The following SLC39A7 variants were observed in gnomAD, a reference collection of about 807,000 sequenced individuals.
The protein encoded by SLC39A7 is solute carrier family 39 member 7, also known as zinc transporter SLC39A7.
SLC39A7 carries 25 observed loss-of-function variants against 39.7 expected under a neutral mutation model. The observed-to-expected ratio is 0.63, with a 90% CI of 0.46 to 0.88. The LOEUF (loss-of-function observed/expected upper bound fraction) is 0.88, where lower values mean the gene tolerates loss of function less well. Ranked by LOEUF, SLC39A7 falls within the 40% of genes least tolerant of loss-of-function variation. The pLI, the probability that SLC39A7 is intolerant of heterozygous loss-of-function variation, is 0.00. For synonymous variants in SLC39A7, 181 were observed against 234.1 expected (o/e 0.77, Z 2.07); for missense variants, 501 against 592.1 (o/e 0.85, Z 1.60).
Position 33,202,904 on chromosome 6 carries a change from T to G in SLC39A7, c.941-6T>G, listed in dbSNP as rs1200214270. ...CTGATCATTTTCTCTTCTTGTCCTG[T>G]ACAAGACCTGCGTGTGTCGGGGTAC... On this transcript the variant is annotated splice_polypyrimidine_tract_variant and splice_region_variant and intron_variant, in intron 5 of 6. Transcript: ENST00000374677. 3.1e-6 allele frequency: 5 copies of G among 1,609,180 alleles called. No homozygotes were observed. Among genetic ancestry groups the G allele is most frequent in the Non-Finnish European group, 4.2e-6 (5 of 1,178,946 alleles).
At position 33,203,002 on chromosome 6, in the gene SLC39A7, C is replaced by T. The variant is rs758662770; in HGVS notation, c.1033C>T (p.Arg345Trp). The part of the protein sequence containing the change: ...LAIGASFRGG[R>W]GLGILTTMTV... ...CATTGGGGCTTCCTTTCGAGGGGGC[C>T]GGGGACTAGGGATCCTGACCACAAT... The change falls in exon 6 of 7, where the codon CGG (arginine) becomes TGG (tryptophan). Residue 345 changes from arginine (R) to tryptophan (W), a missense_variant. Physicochemically the swap from Arg to Trp is moderately radical, Grantham distance 101 (BLOSUM62 -3). Transcript: ENST00000374677. 40 of 1,612,346 alleles carry T rather than the reference C, an allele frequency of 2.5e-5. No individual in the cohort carries two copies. Among genetic ancestry groups the T allele is most frequent in the South Asian group, 1.6e-4 (15 of 91,046 alleles).
At chr6:33,202,453 A>G in intron 4 of SLC39A7, 26 bp downstream of exon 4, 1 of 1,609,878 alleles carries the variant, frequency 6.2e-7, no homozygotes, top group Non-Finnish European at 8.5e-7. Flanking sequence ...ACTTTCCTGA[A>G]AGCTGACTTG....
In SLC39A7 at chr6:33,200,932, G is replaced by A. The variant is rs749453431; in HGVS notation, c.-314G>A. 2.4e-5 allele frequency: 25 copies of A among 1,029,922 alleles called. No individual in the cohort carries two copies. The highest frequency in any genetic ancestry group is 2.2e-4 in the Admixed American group (11 of 49,524). The allele number at this position is 1,029,922 out of a possible 1,614,324, so 63.8% of individuals were successfully genotyped here. The stretch of plus-strand genomic sequence containing the variant: ...GCAAACCGGGAAAGGAGAGGATCCC[G>A]GAGCCGGTGAGAATTCTCTGTTTTT... On this transcript the variant is annotated 5_prime_UTR_variant, in exon 1 of 7. Coordinates refer to ENST00000374677, the MANE Select transcript of SLC39A7 (RefSeq NM_006979.3). The surrounding 1 kb of genome is among the most constrained non-coding windows in gnomAD (Gnocchi z 6.3).
In SLC39A7 at chr6:33,201,970, A is replaced by G. The variant is rs1774612870; in HGVS notation, c.580+57A>G. On this transcript the variant is annotated intron_variant, in intron 2 of 6. Coordinates refer to ENST00000374677, the MANE Select transcript of SLC39A7 (RefSeq NM_006979.3). The surrounding 1 kb of genome is among the most constrained non-coding windows in gnomAD (Gnocchi z 5.9). ...AACCTATTTCGTTCTTTGGAGGAAA[A>G]GGGTTCTTTCTCCTTTATGATCCCT... 2 of 1,600,914 alleles carry G rather than the reference A, an allele frequency of 1.2e-6. No homozygotes were observed. The highest frequency in any genetic ancestry group is 1.3e-5 in the African/African-American group (1 of 74,646).
Position 33,203,067 on chromosome 6 carries a change from C to G in SLC39A7, c.1098C>G (p.Asp366Glu). 1 of 1,606,116 alleles carries G rather than the reference C, an allele frequency of 6.2e-7. No individual in the cohort carries two copies. The highest frequency in any genetic ancestry group is 1.1e-5 in the South Asian group (1 of 90,722). ...LLHEVPHEVG[D>E]FAILVQSGCS... ...ATGAAGTGCCCCACGAGGTCGGAGA[C>G]TTTGCCATCTTGGTCCAGTCTGGCT... Residue 366 changes from aspartate to glutamate, a missense_variant, in exon 6 of 7, where the codon GAC becomes GAG. By Grantham distance (45) the Asp-to-Glu change is conservative. Coordinates refer to ENST00000374677, the MANE Select transcript of SLC39A7 (RefSeq NM_006979.3).
In SLC39A7 at chr6:33,201,234, C is replaced by G; in HGVS notation, c.-12C>G. ...AAGTGGAGTCACTGCCTCTGTCCCT[C>G]TGGTCAGCGTGATGGCCAGAGGCCT... On this transcript the variant is annotated 5_prime_UTR_variant, in exon 1 of 7. Transcript: ENST00000374677. This position sits in a 1 kb window ranked among gnomAD's most constrained non-coding sequence, Gnocchi z 5.9. 1 of 1,602,426 alleles carries G rather than the reference C, an allele frequency of 6.2e-7. No homozygotes were observed. Among genetic ancestry groups the G allele is most frequent in the Non-Finnish European group, 8.5e-7 (1 of 1,175,702 alleles).
intron 6 of SLC39A7, among the ~76,000 whole-genome samples, 163 bp from the exon 7 acceptor site, chr6:33,203,377 AT>A (rs1774770107): frequency 6.6e-6 from 1 of 152,062 alleles, no homozygotes; most frequent in Non-Finnish European, 1.5e-5. Context: ...ATCTCTTAAG[AT>A]TTTTCAGAAA....
In SLC39A7 at chr6:33,200,946, T is replaced by C; in HGVS notation, c.-300T>C. On this transcript the variant is annotated 5_prime_UTR_variant, in exon 1 of 7. Coordinates refer to ENST00000374677, the MANE Select transcript of SLC39A7 (RefSeq NM_006979.3). The surrounding 1 kb of genome is among the most constrained non-coding windows in gnomAD (Gnocchi z 6.3). Reference sequence around the variant, plus strand: ...GAGAGGATCCCGGAGCCGGTGAGAATTCTCTGTTTTTTCTCTACCATCCTT... The same window carrying C: ...GAGAGGATCCCGGAGCCGGTGAGAACTCTCTGTTTTTTCTCTACCATCCTT... The C allele has an allele frequency of 1.1e-6, 1 of 944,148 alleles. No individual in the cohort carries two copies. Among genetic ancestry groups the C allele is most frequent in the South Asian group, 1.4e-5 (1 of 71,458 alleles). The allele number at this position is 944,148 out of a possible 1,614,324, so 58.5% of individuals were successfully genotyped here. A position where few individuals can be genotyped will look rare whatever the true frequency, so the allele number is the denominator to read the frequency against.
Position 33,202,990 on chromosome 6 carries a change from T to C in SLC39A7, c.1021T>C (p.Phe341Leu). ...TGATGGTCTGGCCATTGGGGCTTCC[T>C]TTCGAGGGGGCCGGGGACTAGGGAT... ...FTDGLAIGAS[F>L]RGGRGLGILT... Residue 341 changes from phenylalanine (F) to leucine (L), a missense_variant, in exon 6 of 7, where the codon TTT becomes CTT. Coordinates refer to ENST00000374677, the MANE Select transcript of SLC39A7 (RefSeq NM_006979.3). 2 of 1,612,522 alleles carry C rather than the reference T, an allele frequency of 1.2e-6. No homozygotes were observed. The highest frequency in any genetic ancestry group is 8.5e-7 in the Non-Finnish European group (1 of 1,179,866).
In SLC39A7 at chr6:33,201,460, G is replaced by C; in HGVS notation, c.215G>C (p.Trp72Ser). 1 of 1,614,108 alleles carries C rather than the reference G, an allele frequency of 6.2e-7. No individual in the cohort carries two copies. The highest frequency in any genetic ancestry group is 8.5e-7 in the Non-Finnish European group (1 of 1,179,972). ...CATGGCCACACTCACGAGAGCATCT[G>C]GCATGGACATACCCACGATCACGAC... The part of the protein sequence containing the change: ...HGHGHTHESI[W>S]HGHTHDHDHG... The change falls in exon 1 of 7, where the codon TGG becomes TCG. Residue 72 changes from tryptophan (W) to serine (S), a missense_variant. Trp to Ser is a radical substitution (Grantham distance 177). Transcript: ENST00000374677. This position sits in a 1 kb window ranked among gnomAD's most constrained non-coding sequence, Gnocchi z 5.9.
chr6:33,204,167 A>C lies in SLC39A7; in HGVS notation c.*354A>C. ...CAAGTTGCTACACAGGAAGTTCTCC[A>C]AGGTCCAGTTTCCTTTCTCCCACCA... On this transcript the variant is annotated 3_prime_UTR_variant, in exon 7 of 7. Coordinates refer to ENST00000374677, the MANE Select transcript of SLC39A7 (RefSeq NM_006979.3). The C allele has an allele frequency of 2.1e-6, 1 of 477,444 alleles. No individual in the cohort carries two copies. The highest frequency in any genetic ancestry group is 3.7e-5 in the Admixed American group (1 of 27,334). 29.6% of individuals were successfully genotyped at this position (477,444 alleles called of 1,614,324 possible).
rs771700141 is a variant in SLC39A7 at position 33,201,824 on chromosome 6, G to A, written c.491G>A (p.Arg164Gln). 6.2e-6 allele frequency: 10 copies of A among 1,613,060 alleles called. No individual in the cohort carries two copies. Among genetic ancestry groups the A allele is most frequent in the South Asian group, 3.3e-5 (3 of 91,082 alleles). Reference sequence around the variant, plus strand: ...ATCCCCGTGGAGTCGAACTCTCCCCGGCATCGCTCTCTACTTCAGATCTTG... The same window carrying A: ...ATCCCCGTGGAGTCGAACTCTCCCCAGCATCGCTCTCTACTTCAGATCTTG... The part of the protein sequence containing the change: ...FLIPVESNSP[R>Q]HRSLLQILLS... The change falls in exon 2 of 7, where the codon CGG (arginine) becomes CAG (glutamine). Residue 164 changes from arginine to glutamine, a missense_variant. Coordinates refer to ENST00000374677, the MANE Select transcript of SLC39A7 (RefSeq NM_006979.3). This position sits in a 1 kb window ranked among gnomAD's most constrained non-coding sequence, Gnocchi z 5.9.
At position 33,203,712 on chromosome 6, in the gene SLC39A7, C is replaced by T. The variant is rs1428050563; in HGVS notation, c.1309C>T (p.Pro437Ser). The change falls in exon 7 of 7, where the codon CCC (proline) becomes TCC (serine). Residue 437 changes from proline (P) to serine (S), a missense_variant. Pro to Ser is a moderately conservative substitution (Grantham distance 74). Transcript: ENST00000374677. ...FIYVATVSVL[P>S]ELLREASPLQ... ...CTACGTAGCAACAGTGTCTGTGTTG[C>T]CCGAGCTGCTGAGGGAGGCATCACC... 6 of 1,614,188 alleles carry T rather than the reference C, an allele frequency of 3.7e-6. No individual in the cohort carries two copies. Among genetic ancestry groups the T allele is most frequent in the Admixed American group, 1.7e-5 (1 of 60,016 alleles).
At chr6:33,202,852 G>GA in intron 5 of SLC39A7, 58 bp from the exon 6 acceptor site, 1 of 1,584,032 alleles carries the variant, frequency 6.3e-7, no homozygotes, top group Non-Finnish European at 8.6e-7. Flanking sequence ...AGCTGACCAA[G>GA]ACTGGAACAA....
Position 33,201,965 on chromosome 6 carries a change from G to A in SLC39A7, c.580+52G>A. The A allele has an allele frequency of 6.2e-7, 1 of 1,603,634 alleles. No homozygotes were observed. Among genetic ancestry groups the A allele is most frequent in the East Asian group, 2.2e-5 (1 of 44,828 alleles). On this transcript the variant is annotated intron_variant, in intron 2 of 6. Coordinates refer to ENST00000374677, the MANE Select transcript of SLC39A7 (RefSeq NM_006979.3). The surrounding 1 kb of genome is among the most constrained non-coding windows in gnomAD (Gnocchi z 5.9). ...AATCTAACCTATTTCGTTCTTTGGA[G>A]GAAAAGGGTTCTTTCTCCTTTATGA...
chr6:33,204,116 C>T lies in SLC39A7; in HGVS notation c.*303C>T. 1 of 545,450 alleles carries T rather than the reference C, an allele frequency of 1.8e-6. No homozygotes were observed. The highest frequency in any genetic ancestry group is 3.3e-6 in the Non-Finnish European group (1 of 304,790). 33.8% of individuals were successfully genotyped at this position (545,450 alleles called of 1,614,324 possible). A position where few individuals can be genotyped will look rare whatever the true frequency, so the allele number is the denominator to read the frequency against. ...GGGTGATGGCAGCCTACCTGGTGTC[C>T]CCTACCCCACCTGTTCTCGGAGAAC... On this transcript the variant is annotated 3_prime_UTR_variant, in exon 7 of 7. Coordinates refer to ENST00000374677, the MANE Select transcript of SLC39A7 (RefSeq NM_006979.3).
chr6:33,203,597 C>G lies in SLC39A7; in HGVS notation c.1194C>G (p.Ala398=), dbSNP rs1314503303. 1.9e-6 allele frequency: 3 copies of G among 1,614,218 alleles called. No individual in the cohort carries two copies. The African/African-American group carries it at 4.0e-5, about 22-fold the overall frequency. Residue 398 remains alanine, a synonymous_variant, in exon 7 of 7, where the codon GCC becomes GCG. Coordinates refer to ENST00000374677, the MANE Select transcript of SLC39A7 (RefSeq NM_006979.3). ...GGGCACTGGCAGGCACAGCCTGTGC[C>G]CTTCTCACTGAAGGAGGAGCAGTGG... is the stretch of plus-strand genomic sequence containing the variant. The part of the protein sequence containing the change: ...AVGALAGTAC[A]LLTEGGAVGS...
At chr6:33,202,212 A>G (rs1009361324) in intron 3 of SLC39A7, 51 bp from the exon 4 acceptor site, 8 of 1,597,402 alleles carry the variant, frequency 5.0e-6, no homozygotes, top group East Asian at 2.2e-5. Flanking sequence ...CTTGAGGAGG[A>G]GGAGTCTGGA....
At position 33,203,711 on chromosome 6, in the gene SLC39A7, G is replaced by T; in HGVS notation, c.1308G>T (p.Leu436Phe). The T allele has an allele frequency of 6.2e-7, 1 of 1,614,222 alleles. No homozygotes were observed. Among genetic ancestry groups the T allele is most frequent in the Non-Finnish European group, 8.5e-7 (1 of 1,180,036 alleles). Residue 436 changes from leucine to phenylalanine, a missense_variant, in exon 7 of 7, where the codon TTG (leucine) becomes TTT (phenylalanine). Physicochemically the swap from Leu to Phe is conservative, Grantham distance 22. Coordinates refer to ENST00000374677, the MANE Select transcript of SLC39A7 (RefSeq NM_006979.3). ...GFIYVATVSV[L>F]PELLREASPL... ...TCTACGTAGCAACAGTGTCTGTGTT[G>T]CCCGAGCTGCTGAGGGAGGCATCAC...
Sources: allele counts gnomAD v4.1 joint callset (sites outside exome capture counted in the v4.1 genomes callset), GRCh38; gene constraint gnomAD v4.1.1; non-coding constraint Gnocchi (gnomAD v3.1); transcripts MANE v1.5; gene names NCBI Gene and HGNC (gene_info 2026-07-23, HGNC 2026-07-21).